Variants in ACTR3C observed in about 807,000 individuals in gnomAD.
ACTR3C encodes actin related protein 3C.
ACTR3C carries 18 observed loss-of-function variants against 26.3 expected under a neutral mutation model. That is an observed-to-expected ratio of 0.68 (90% CI 0.47 to 1.01). The LOEUF (loss-of-function observed/expected upper bound fraction) is 1.01, where lower values mean the gene tolerates loss of function less well. ACTR3C is among the 50% of genes least tolerant of loss of function. The probability of loss-of-function intolerance (pLI) is 0.00; values close to 1 mark genes in which losing one functional copy is unlikely to be tolerated. For missense variants in ACTR3C, 184 were observed against 250.7 expected (o/e 0.73, Z 1.80); for synonymous variants, 55 against 94.5 (o/e 0.58, Z 2.42).
the ACTR3C span, among the ~76,000 whole-genome samples, chr7:149,996,639 G>T: frequency 6.6e-6 from 1 of 151,766 alleles, no homozygotes; most frequent in East Asian, 1.9e-4. Flanking sequence ...AGTTGATTTT[G>T]CTCTATTATA....
the ACTR3C span, among the ~76,000 whole-genome samples, chr7:149,983,100 G>T: frequency 6.6e-6 from 1 of 150,432 alleles, no homozygotes; most frequent in Non-Finnish European, 1.5e-5. Flanking sequence ...CTTACCTTAT[G>T]CTGTACATAA....
the ACTR3C span, among the ~76,000 whole-genome samples, chr7:150,146,065 A>G: frequency 6.6e-6 from 1 of 152,152 alleles, no homozygotes; most frequent in African/African-American, 2.4e-5. Flanking sequence ...CCTTGGATTT[A>G]ATTTTCAGCT....
chr7:150,291,110 A>G (rs998210605), intron 3 of ACTR3C, among the ~76,000 whole-genome samples: 15 of 151,910 alleles, frequency 9.9e-5, no homozygotes, highest in Non-Finnish European at 1.6e-4. Flanking sequence ...GTGTGTGTGC[A>G]TGCATGCGTG....
the ACTR3C span, among the ~76,000 whole-genome samples, chr7:150,156,631 A>G: frequency 6.6e-6 from 1 of 152,164 alleles, no homozygotes; most frequent in African/African-American, 2.4e-5. Flanking sequence ...AGAGAAAACA[A>G]GTAGAAGAAA....
the ACTR3C span, chr7:149,891,523 C>T: frequency 3.7e-6 from 1 of 271,928 alleles, no homozygotes; most frequent in Admixed American, 5.0e-5. Flanking sequence ...AAAGAATCAC[C>T]TTAACAATGA....
the ACTR3C span, among the ~76,000 whole-genome samples, chr7:150,043,057 A>C: frequency 6.6e-6 from 1 of 151,750 alleles, no homozygotes; most frequent in Non-Finnish European, 1.5e-5. Context: ...AAAACCCCAC[A>C]GCTCCTAAGA....
the ACTR3C span, among the ~76,000 whole-genome samples, chr7:150,037,459 G>T: frequency 1.9e-5 from 1 of 53,264 alleles, no homozygotes. Context: ...CGCGGGGGGT[G>T]CCTCCCCCCC....
the ACTR3C span, among the ~76,000 whole-genome samples, chr7:150,134,680 G>A: frequency 1.3e-5 from 2 of 152,274 alleles, no homozygotes; most frequent in South Asian, 2.1e-4. Flanking sequence ...TTCATGATTC[G>A]TCTTTGATTC....
the ACTR3C span, among the ~76,000 whole-genome samples, chr7:149,980,046 A>C: frequency 3.3e-5 from 5 of 152,124 alleles, no homozygotes; most frequent in Non-Finnish European, 7.3e-5. Context: ...TTGTTCTCTA[A>C]ATTCACTTTC....
chr7:150,152,517 T>C, the ACTR3C span, among the ~76,000 whole-genome samples: 5,276 of 152,312 alleles, frequency 0.035, 326 homozygotes, highest in African/African-American at 0.12. Context: ...ATAAGCTTTT[T>C]GATGTGCTGC....
At chr7:150,227,124 T>TTG in the ACTR3C span, among the ~76,000 whole-genome samples, 4 of 150,698 alleles carry the variant, frequency 2.7e-5, no homozygotes, top group South Asian at 2.1e-4. Flanking sequence ...CAACTTAACA[T>TTG]TGTGTGTGTG....
the ACTR3C span, among the ~76,000 whole-genome samples, chr7:149,966,800 T>A: frequency 6.6e-6 from 1 of 152,306 alleles, no homozygotes; most frequent in African/African-American, 2.4e-5. Flanking sequence ...CTTTGTCTTC[T>A]AGCTTAAGCT....
chr7:150,176,051 A>G, the ACTR3C span, among the ~76,000 whole-genome samples: 2 of 150,650 alleles, frequency 1.3e-5, 1 homozygote, highest in African/African-American at 5.0e-5. Flanking sequence ...AGTCTTTTCT[A>G]ACTTCTAATT....
chr7:150,293,103 G>C (rs1836418163), intron 3 of ACTR3C, among the ~76,000 whole-genome samples: 1 of 151,774 alleles, frequency 6.6e-6, no homozygotes, highest in African/African-American at 2.4e-5. Flanking sequence ...ACAATAATTG[G>C]CCATCCTTTT....
the ACTR3C span, among the ~76,000 whole-genome samples, chr7:150,164,581 A>T: frequency 3.9e-5 from 6 of 152,000 alleles, no homozygotes; most frequent in Non-Finnish European, 8.8e-5. Context: ...AGGGAATTGG[A>T]GGCAGCAGCA....
At chr7:150,197,989 T>C in the ACTR3C span, among the ~76,000 whole-genome samples, 23 of 150,684 alleles carry the variant, frequency 1.5e-4, 1 homozygote, top group African/African-American at 5.5e-4. Context: ...CGAGTGCCTG[T>C]GATTGCAGGC....
the ACTR3C span, among the ~76,000 whole-genome samples, chr7:150,164,923 G>A: frequency 2.6e-5 from 4 of 152,156 alleles, no homozygotes; most frequent in African/African-American, 9.7e-5. Context: ...CGCTGGTTTT[G>A]GAATTGAGCT....
the ACTR3C span, among the ~76,000 whole-genome samples, chr7:150,208,270 G>T: frequency 6.6e-6 from 1 of 152,110 alleles, no homozygotes; most frequent in Non-Finnish European, 1.5e-5. Context: ...TGCGCTAAAG[G>T]GTCTGAAAGA....
chr7:149,988,502 T>C, the ACTR3C span, among the ~76,000 whole-genome samples: 1 of 152,212 alleles, frequency 6.6e-6, no homozygotes, highest in African/African-American at 2.4e-5. Flanking sequence ...TGACTGTGTA[T>C]CCATTCATGA....
Sources: gnomAD v4.1 joint callset for allele counts (sites outside exome capture counted in the v4.1 genomes callset) on GRCh38, gnomAD v4.1.1 for gene constraint, MANE v1.5 for transcripts, NCBI Gene and HGNC (gene_info 2026-07-23, HGNC 2026-07-21) for gene names.